The following DTNBP1 variants were observed in gnomAD, a reference collection of about 807,000 sequenced individuals.
DTNBP1 encodes dystrobrevin binding protein 1.
A neutral mutation model predicts 42.8 loss-of-function variants in DTNBP1; 35 were observed. The observed-to-expected ratio is 0.82, with a 90% CI of 0.63 to 1.09. DTNBP1 has a LOEUF of 1.09. Ranked by LOEUF, DTNBP1 falls within the 50% of genes least tolerant of loss-of-function variation. DTNBP1 has a pLI of 0.00. For synonymous variants in DTNBP1, 171 were observed against 162.2 expected (o/e 1.05, Z -0.41); for missense variants, 457 against 424.2 (o/e 1.08, Z -0.68).
intron 7 of DTNBP1, among the ~76,000 whole-genome samples, chr6:15,541,894 G>C (rs532781639): frequency 2.0e-5 from 3 of 152,206 alleles, no homozygotes; most frequent in Non-Finnish European, 4.4e-5. Flanking sequence ...ATATAGTGAG[G>C]TGTTAATGAC....
intron 6 of DTNBP1, among the ~76,000 whole-genome samples, chr6:15,595,539 T>C (rs1267048453): frequency 6.6e-6 from 1 of 152,144 alleles, no homozygotes; most frequent in Non-Finnish European, 1.5e-5. Context: ...AGTCCTGGGA[T>C]TACAGGCATG....
chr6:15,526,663 T>C lies in DTNBP1; in HGVS notation c.668-1994A>G, dbSNP rs548373725. On this transcript the variant is annotated intron_variant, in intron 8 of 9. Transcript: ENST00000344537. ...TTCAAGGCTGAGTGGTCAGGGGAATTTGAAGGCACGCTGGTCAGGCTTGTT... is the reference window on the plus strand; with the variant it reads ...TTCAAGGCTGAGTGGTCAGGGGAATCTGAAGGCACGCTGGTCAGGCTTGTT... 7.5e-4 allele frequency among the ~76,000 whole-genome samples: 114 copies of C among 152,290 alleles called. 1 individual carries two copies. The highest frequency in any genetic ancestry group is 1.1e-3 in the Non-Finnish European group (75 of 68,016).
In DTNBP1 at chr6:15,524,154, A is replaced by G. The variant is rs1230589211; in HGVS notation, c.811+372T>C. On this transcript the variant is annotated intron_variant, in intron 9 of 9. Transcript: ENST00000344537. The stretch of plus-strand genomic sequence containing the variant: ...GCCCCTAAATGCCTGTCGCACGAAG[A>G]GGGAAGAGTTTCCCGTGAGCCCCGC... The G allele has an allele frequency of 2.1e-6, 3 of 1,418,808 alleles. No individual in the cohort carries two copies. The African/African-American group carries it at 4.3e-5, about 20-fold the overall frequency. The allele number at this position is 1,418,808 out of a possible 1,614,324, so 87.9% of individuals were successfully genotyped here. A position where few individuals can be genotyped will look rare whatever the true frequency, so the allele number is the denominator to read the frequency against.
intron 5 of DTNBP1, among the ~76,000 whole-genome samples, chr6:15,623,334 A>T (rs1039922058): frequency 6.6e-6 from 1 of 152,228 alleles, no homozygotes; most frequent in African/African-American, 2.4e-5. Flanking sequence ...AGAAAAACAC[A>T]AACTCAGTAT....
At chr6:15,548,642 T>A (rs1774031622) in intron 7 of DTNBP1, among the ~76,000 whole-genome samples, 1 of 152,220 alleles carries the variant, frequency 6.6e-6, no homozygotes, top group Admixed American at 6.5e-5. Context: ...GTAAGACAAT[T>A]CTCATTTCTA....
chr6:15,589,131 A>G (rs940661595), intron 7 of DTNBP1, among the ~76,000 whole-genome samples: 1 of 152,180 alleles, frequency 6.6e-6, no homozygotes, highest in Admixed American at 6.5e-5. Flanking sequence ...ACCACCTAGC[A>G]TCATCATCCC....
intron 8 of DTNBP1, among the ~76,000 whole-genome samples, chr6:15,525,525 C>T (rs573647015): frequency 2.0e-5 from 3 of 152,306 alleles, no homozygotes; most frequent in African/African-American, 7.2e-5. Flanking sequence ...ACATCATCCT[C>T]GCTGAAGAAT....
At chr6:15,600,547 C>G (rs558401401) in intron 6 of DTNBP1, among the ~76,000 whole-genome samples, 6 of 152,104 alleles carry the variant, frequency 3.9e-5, no homozygotes, top group African/African-American at 1.4e-4. Context: ...AGCACTCTAA[C>G]AGTAATATAA....
intron 1 of DTNBP1, chr6:15,660,360 C>T: frequency 7.8e-7 from 1 of 1,289,724 alleles, no homozygotes; most frequent in Non-Finnish European, 1.0e-6. Flanking sequence ...AACCGAACAG[C>T]TTAAATGTAG....
At chr6:15,629,180 A>G (rs941768217) in intron 4 of DTNBP1, among the ~76,000 whole-genome samples, 1 of 152,190 alleles carries the variant, frequency 6.6e-6, no homozygotes, top group Non-Finnish European at 1.5e-5. Context: ...ATATTCCACA[A>G]ACTTCCACTG....
At chr6:15,662,691 GGC>G in intron 1 of DTNBP1, 121 bp downstream of exon 1, 1 of 1,340,862 alleles carries the variant, frequency 7.5e-7, no homozygotes, top group Non-Finnish European at 1.0e-6. Context: ...GGCGGGGCGG[GGC>G]GGGGAGGTGC....
chr6:15,611,737 C>A lies in DTNBP1; in HGVS notation c.488+3530G>T, dbSNP rs555110135. On this transcript the variant is annotated intron_variant, in intron 6 of 9. Coordinates refer to ENST00000344537, the MANE Select transcript of DTNBP1 (RefSeq NM_032122.5). ...AAGATTTCTGTGAAGGAAATAGCTACAGATGTGGTAGAAATAGCAAGAGAA... is the reference window on the plus strand; with the variant it reads ...AAGATTTCTGTGAAGGAAATAGCTAAAGATGTGGTAGAAATAGCAAGAGAA... Among the ~76,000 whole-genome samples, 3 of 152,280 alleles carry A rather than the reference C, an allele frequency of 2.0e-5. No homozygotes were observed. The East Asian group carries it at 5.8e-4, about 29-fold the overall frequency.
chr6:15,594,763 CT>C (rs536279234), intron 6 of DTNBP1, among the ~76,000 whole-genome samples: 48 of 147,792 alleles, frequency 3.2e-4, no homozygotes, highest in Middle Eastern at 3.5e-3. Context: ...ATGAGTAATT[CT>C]TTTTTTTTTT....
At chr6:15,623,274 C>T (rs903336582) in intron 5 of DTNBP1, among the ~76,000 whole-genome samples, 3 of 152,160 alleles carry the variant, frequency 2.0e-5, no homozygotes, top group African/African-American at 2.4e-5. Context: ...CTCTAAAATT[C>T]TGTACAGAAA....
chr6:15,590,314 C>T (rs140960716), intron 7 of DTNBP1, among the ~76,000 whole-genome samples: 1 of 152,274 alleles, frequency 6.6e-6, no homozygotes. Flanking sequence ...TGTTCATTGT[C>T]AAATCCAACA....
At chr6:15,617,524 C>G (rs1758778824) in intron 5 of DTNBP1, among the ~76,000 whole-genome samples, 2 of 151,912 alleles carry the variant, frequency 1.3e-5, no homozygotes, top group African/African-American at 4.8e-5. Flanking sequence ...TAAAAACAGA[C>G]ATGCTGGAAC....
intron 8 of DTNBP1, among the ~76,000 whole-genome samples, chr6:15,525,894 T>C (rs1772348916): frequency 1.3e-5 from 2 of 152,026 alleles, no homozygotes; most frequent in South Asian, 4.1e-4. Flanking sequence ...GGACCCAGAT[T>C]TAAAAAGCAA....
intron 7 of DTNBP1, chr6:15,585,862 A>G: frequency 6.9e-7 from 1 of 1,441,278 alleles, no homozygotes; most frequent in Non-Finnish European, 9.1e-7. Context: ...GGGATGTAGA[A>G]CAAAGGAAGT....
intron 1 of DTNBP1, among the ~76,000 whole-genome samples, chr6:15,662,544 A>G (rs1442998079): frequency 6.6e-6 from 1 of 152,102 alleles, no homozygotes; most frequent in African/African-American, 2.4e-5. Context: ...GCAGGGTCCC[A>G]CACCCCCCCC....
Sources: gnomAD v4.1 joint callset for allele counts (sites outside exome capture counted in the v4.1 genomes callset) on GRCh38, gnomAD v4.1.1 for gene constraint, MANE v1.5 for transcripts, NCBI Gene and HGNC (gene_info 2026-07-23, HGNC 2026-07-21) for gene names.